DMD: variants seen among roughly 807,000 people sequenced by gnomAD.
DMD encodes the protein dystrophin.
DMD carries 63 observed loss-of-function variants against 330.1 expected under a neutral mutation model. The ratio of observed to expected loss-of-function variants is 0.19; its 90% CI spans 0.16 to 0.24. The LOEUF is 0.24. Among genes scored for constraint, DMD ranks in the 10% least tolerant of loss-of-function variants. The pLI is 1.00. For missense variants in DMD, 3,344 were observed against 2,684.1 expected (o/e 1.25, Z -5.43); for synonymous variants, 1,223 against 959.8 (o/e 1.27, Z -5.07).
chrX:31,204,158 C>A, intron 66 of DMD, 40 bp from the exon 67 acceptor site: 1 of 1,164,752 alleles, frequency 8.6e-7, no homozygotes, highest in Non-Finnish European at 1.2e-6. Context: ...CAAAACACAG[C>A]ACCCATGGAT....
chrX:31,778,637 C>A (rs763653205), intron 50 of DMD, among the ~76,000 whole-genome samples: 138 of 87,956 alleles, frequency 1.6e-3, no homozygotes, highest in African/African-American at 6.2e-3. Context: ...GTGGCGTGAT[C>A]TCAGCTCACT....
chrX:33,118,370 A>C (rs1168644934), intron 1 of DMD, among the ~76,000 whole-genome samples: 1 of 110,904 alleles, frequency 9.0e-6, no homozygotes, highest in Admixed American at 9.6e-5. Context: ...TCGGCCTCCC[A>C]AAGTGCTGGG....
At position 32,343,267 on chromosome X, in the gene DMD, C is replaced by G. The variant is rs1437145731; in HGVS notation, c.5606G>C (p.Arg1869Thr). 2 of 1,206,986 alleles carry G rather than the reference C, an allele frequency of 1.7e-6. No individual in the cohort carries two copies. Among genetic ancestry groups the G allele is most frequent in the Non-Finnish European group, 2.2e-6 (2 of 891,950 alleles). Residue 1869 changes from arginine (R) to threonine (T), a missense_variant, in exon 40 of 79, where the codon AGA becomes ACA. By Grantham distance (71) the Arg-to-Thr change is moderately conservative. Transcript: ENST00000357033. ...NALKDLRSQR[R>T]KKALEISHQW... ...ATGAGAAATTTCTAGAGCCTTTTTT[C>G]TTCTTTGAGACCTCAAATCCTGTTC...
In DMD at chrX:32,678,624, G is replaced by A. The variant is rs761522620; in HGVS notation, c.960+19246C>T. Among the ~76,000 whole-genome samples, 21 of 110,879 alleles carry A rather than the reference G, an allele frequency of 1.9e-4. No homozygotes were observed. The South Asian group carries it at 2.7e-3, about 14-fold the overall frequency. ...CCAGGCCAATATGAGTACATTCTAC[G>A]AAACAAGAATAAACACTAACATGTG... On this transcript the variant is annotated intron_variant, in intron 9 of 78. Coordinates refer to ENST00000357033, the MANE Select transcript of DMD (RefSeq NM_004006.3).
chrX:33,277,475 TGA>T (rs1310638854), intron 1 of DMD, among the ~76,000 whole-genome samples: 1 of 111,268 alleles, frequency 9.0e-6, no homozygotes, highest in Non-Finnish European at 1.9e-5. Flanking sequence ...TGACTGTCCA[TGA>T]GAGAGGCCAG....
intron 30 of DMD, among the ~76,000 whole-genome samples, chrX:32,407,006 T>G: frequency 9.0e-6 from 1 of 111,440 alleles, no homozygotes; most frequent in Middle Eastern, 4.6e-3. Flanking sequence ...ATGTTAGACT[T>G]AAAACCATAA....
At chrX:32,597,549 G>C (rs752506670) in intron 12 of DMD, among the ~76,000 whole-genome samples, 1 of 111,489 alleles carries the variant, frequency 9.0e-6, no homozygotes, top group Non-Finnish European at 1.9e-5. Flanking sequence ...ATAACCACTT[G>C]GTCTCAACTG....
chrX:32,812,628 G>A (rs1019012915), intron 6 of DMD, among the ~76,000 whole-genome samples: 6 of 112,057 alleles, frequency 5.4e-5, no homozygotes, highest in African/African-American at 9.7e-5. Flanking sequence ...GCGAGACTCC[G>A]TCTCAAAAAA....
chrX:32,012,841 T>G (rs1440578038), intron 44 of DMD, among the ~76,000 whole-genome samples: 1 of 111,289 alleles, frequency 9.0e-6, no homozygotes, highest in Non-Finnish European at 1.9e-5. Context: ...CTGAGTAAAC[T>G]GCAACTTACA....
chrX:32,251,040 G>GA (rs2097261506), intron 43 of DMD, among the ~76,000 whole-genome samples: 1 of 109,898 alleles, frequency 9.1e-6, no homozygotes, highest in African/African-American at 3.3e-5. Flanking sequence ...GGTGCCTGTT[G>GA]GGGGTGGGGG....
In DMD at chrX:32,585,470, G is replaced by A. The variant is rs7884037; in HGVS notation, c.1602+10287C>T. Among the ~76,000 whole-genome samples, 297 of 110,035 alleles carry A rather than the reference G, an allele frequency of 2.7e-3. 1 individual carries two copies. Among genetic ancestry groups the A allele is most frequent in the African/African-American group, 9.4e-3 (285 of 30,467 alleles). ...TAATCCCAGCACTTTGGGAGGCCGA[G>A]GCTGGCGGATCACGAGGTCAGGAGA... On this transcript the variant is annotated intron_variant, in intron 13 of 78. Transcript: ENST00000357033.
intron 1 of DMD, among the ~76,000 whole-genome samples, chrX:33,317,134 G>A (rs1390170113): frequency 9.1e-6 from 1 of 110,365 alleles, no homozygotes; most frequent in Non-Finnish European, 1.9e-5. Context: ...TCTGACAAGT[G>A]ATGTTGAATC....
chrX:32,734,646 A>G (rs1370671264), intron 7 of DMD, among the ~76,000 whole-genome samples: 4 of 108,263 alleles, frequency 3.7e-5, no homozygotes, highest in East Asian at 2.9e-4. Flanking sequence ...GCATATAAAC[A>G]GAGCCAAAGA....
chrX:33,231,168 TACAC>T (rs1351485806), intron 1 of DMD, among the ~76,000 whole-genome samples: 2 of 111,438 alleles, frequency 1.8e-5, no homozygotes, highest in African/African-American at 6.5e-5. Context: ...TGGAGTGACT[TACAC>T]ATACATACAC....
intron 41 of DMD, among the ~76,000 whole-genome samples, chrX:32,322,842 GGA>G (rs1489889484): frequency 8.9e-6 from 1 of 111,829 alleles, no homozygotes; most frequent in South Asian, 3.7e-4. Flanking sequence ...TAAAAAAAGA[GGA>G]GAGATATTAA....
chrX:32,151,162 C>T (rs919237151), intron 44 of DMD, among the ~76,000 whole-genome samples: 28 of 111,873 alleles, frequency 2.5e-4, no homozygotes, highest in African/African-American at 9.1e-4. Context: ...AGGCTTACTA[C>T]CTTTTAAAAT....
intron 12 of DMD, among the ~76,000 whole-genome samples, chrX:32,611,276 A>G (rs1213704673): frequency 9.0e-6 from 1 of 110,766 alleles, no homozygotes; most frequent in African/African-American, 3.3e-5. Flanking sequence ...TCAAATAGTT[A>G]AAAGTAGGAG....
intron 70 of DMD, 93 bp from the exon 71 acceptor site, chrX:31,178,063 A>G (rs962195890): frequency 9.2e-7 from 1 of 1,091,131 alleles, no homozygotes; most frequent in Admixed American, 2.5e-5. Context: ...AAATCCAGCC[A>G]ATTAAGTATG....
chrX:32,703,369 G>A (rs904462144), intron 7 of DMD, among the ~76,000 whole-genome samples: 2 of 110,933 alleles, frequency 1.8e-5, no homozygotes, highest in Non-Finnish European at 3.8e-5. Flanking sequence ...TGTCATTTTT[G>A]TCATATTTTT....
Sources: allele counts gnomAD v4.1 joint callset (sites outside exome capture counted in the v4.1 genomes callset), GRCh38; gene constraint gnomAD v4.1.1; transcripts MANE v1.5; gene names NCBI Gene and HGNC (gene_info 2026-07-23, HGNC 2026-07-21).